Variants in ZNF865 observed in about 807,000 individuals in gnomAD.
The protein encoded by ZNF865 is zinc finger protein 865.
For missense variants in ZNF865, 1,311 were observed against 1,593.4 expected, an observed-to-expected ratio of 0.82 and a Z score of 3.02; for synonymous variants, 763 against 750.8, an observed-to-expected ratio of 1.02 and a Z score of -0.27.
Position 55,614,368 on chromosome 19 carries a change from G to A in ZNF865, c.750G>A (p.Arg250=), listed in dbSNP as rs1161193248. ...VQHMLVHSGE[R]PYECGVCGRT... ...ACATGCTGGTGCACTCGGGGGAGAGGCCCTACGAATGCGGCGTCTGCGGCC... is the reference window on the plus strand; with the variant it reads ...ACATGCTGGTGCACTCGGGGGAGAGACCCTACGAATGCGGCGTCTGCGGCC... Residue 250 remains arginine (R), a synonymous_variant, in exon 2 of 2, where the codon AGG becomes AGA. Transcript: ENST00000568956. The surrounding 1 kb of genome is among the most constrained non-coding windows in gnomAD (Gnocchi z 8.0). 1 of 1,486,684 alleles carries A rather than the reference G, an allele frequency of 6.7e-7. No individual in the cohort carries two copies. Among genetic ancestry groups the A allele is most frequent in the South Asian group, 1.3e-5 (1 of 79,300 alleles). 92.1% of individuals were successfully genotyped at this position (1,486,684 alleles called of 1,614,324 possible). A position where few individuals can be genotyped will look rare whatever the true frequency, so the allele number is the denominator to read the frequency against.
At position 55,615,171 on chromosome 19, in the gene ZNF865, T is replaced by A; in HGVS notation, c.1553T>A (p.Val518Glu). 1 of 1,373,596 alleles carries A rather than the reference T, an allele frequency of 7.3e-7. No homozygotes were observed. The highest frequency in any genetic ancestry group is 1.6e-5 in the South Asian group (1 of 63,530). 85.1% of individuals were successfully genotyped at this position (1,373,596 alleles called of 1,614,324 possible). Reference sequence around the variant, plus strand: ...GCGGCGGCGGTGGTGTACGGCGCTGTGCCCGTCCCGCTCCTGGGCGCCCAC... The same window carrying A: ...GCGGCGGCGGTGGTGTACGGCGCTGAGCCCGTCCCGCTCCTGGGCGCCCAC... Reference protein sequence around the residue: ...AAAAAVVYGAVPVPLLGAHPL... With the variant: ...AAAAAVVYGAEPVPLLGAHPL... Residue 518 changes from valine (V) to glutamate (E), a missense_variant, in exon 2 of 2, where the codon GTG becomes GAG. Transcript: ENST00000568956.
At position 55,615,611 on chromosome 19, in the gene ZNF865, G is replaced by A; in HGVS notation, c.1993G>A (p.Asp665Asn). The change falls in exon 2 of 2, where the codon GAT becomes AAT. Residue 665 changes from aspartate (D) to asparagine (N), a missense_variant. Physicochemically the swap from Asp to Asn is conservative, Grantham distance 23. Coordinates refer to ENST00000568956, the MANE Select transcript of ZNF865 (RefSeq NM_001195605.2). ...CTCGGGCACGTCTGCAGGGCCCACC[G>A]ATGGGCTGAGCTACGCCTGCTCGGA... ...GASGTSAGPT[D>N]GLSYACSDCG... 2 of 1,533,694 alleles carry A rather than the reference G, an allele frequency of 1.3e-6. No homozygotes were observed. The highest frequency in any genetic ancestry group is 1.7e-4 in the Middle Eastern group (1 of 5,978).
intron 1 of ZNF865, among the ~76,000 whole-genome samples, chr19:55,608,990 C>T (rs547697956): frequency 3.6e-4 from 55 of 152,224 alleles, no homozygotes; most frequent in Non-Finnish European, 3.5e-4. Flanking sequence ...CAACCACTGG[C>T]CCTGCCACTA....
rs1042528685 is a variant in ZNF865 at position 55,615,044 on chromosome 19, G to T, written c.1426G>T (p.Gly476Trp). ...PAAAAEAPKD[G>W]AASAPQPPPT... is the part of the protein sequence containing the mutation. The stretch of plus-strand genomic sequence containing the variant: ...TGCCGCTGCGGAGGCGCCCAAGGAC[G>T]GGGCGGCCTCGGCCCCGCAGCCCCC... The change falls in exon 2 of 2, where the codon GGG (glycine) becomes TGG (tryptophan). Residue 476 changes from glycine (G) to tryptophan (W), a missense_variant. Transcript: ENST00000568956. 7.1e-6 allele frequency: 9 copies of T among 1,262,220 alleles called. No homozygotes were observed. Among genetic ancestry groups the T allele is most frequent in the East Asian group, 7.5e-5 (2 of 26,802 alleles). The allele number at this position is 1,262,220 out of a possible 1,614,324, so 78.2% of individuals were successfully genotyped here. A position where few individuals can be genotyped will look rare whatever the true frequency, so the allele number is the denominator to read the frequency against.
chr19:55,607,439 G>GAAAAAAA (rs112301848), intron 1 of ZNF865, among the ~76,000 whole-genome samples: 1 of 78,392 alleles, frequency 1.3e-5, no homozygotes, highest in Admixed American at 1.5e-4. Flanking sequence ...GTCTTTACAG[G>GAAAAAAA]AAAAAAAAAA....
At position 55,615,649 on chromosome 19, in the gene ZNF865, C is replaced by G. The variant is rs1273417091; in HGVS notation, c.2031C>G (p.His677Gln). ...LSYACSDCGE[H>Q]FPDLFHVMSH... The stretch of plus-strand genomic sequence containing the variant: ...ACGCCTGCTCGGACTGCGGCGAGCA[C>G]TTCCCGGATCTCTTTCACGTCATGA... Residue 677 changes from histidine to glutamine, a missense_variant, in exon 2 of 2, where the codon CAC becomes CAG. His to Gln is a conservative substitution (Grantham distance 24). Coordinates refer to ENST00000568956, the MANE Select transcript of ZNF865 (RefSeq NM_001195605.2). 1.3e-6 allele frequency: 2 copies of G among 1,534,608 alleles called. No individual in the cohort carries two copies. Among genetic ancestry groups the G allele is most frequent in the Admixed American group, 3.9e-5 (2 of 50,938 alleles).
rs1253748124 is a variant in ZNF865 at position 55,615,963 on chromosome 19, G to C, written c.2345G>C (p.Gly782Ala). 6.6e-7 allele frequency: 1 copy of C among 1,510,052 alleles called. No homozygotes were observed. Among genetic ancestry groups the C allele is most frequent in the Non-Finnish European group, 8.8e-7 (1 of 1,134,438 alleles). 93.5% of individuals were successfully genotyped at this position (1,510,052 alleles called of 1,614,324 possible). The change falls in exon 2 of 2, where the codon GGC (glycine) becomes GCC (alanine). Residue 782 changes from glycine to alanine, a missense_variant. Coordinates refer to ENST00000568956, the MANE Select transcript of ZNF865 (RefSeq NM_001195605.2). Reference sequence around the variant, plus strand: ...GGCGGGGCGGCGGTGGCAGGTGCTGGCGGGGGTGCCAGTTCCGGCCCCGAG... The same window carrying C: ...GGCGGGGCGGCGGTGGCAGGTGCTGCCGGGGGTGCCAGTTCCGGCCCCGAG... ...DAGGAAVAGA[G>A]GGASSGPERF...
intron 1 of ZNF865, among the ~76,000 whole-genome samples, chr19:55,606,588 C>A (rs1165116629): frequency 6.6e-6 from 1 of 152,228 alleles, no homozygotes; most frequent in Non-Finnish European, 1.5e-5. Flanking sequence ...TCATCCTCTT[C>A]CTATGGCGTG....
chr19:55,609,079 A>C (rs1009737400), intron 1 of ZNF865, among the ~76,000 whole-genome samples: 3 of 152,170 alleles, frequency 2.0e-5, no homozygotes, highest in African/African-American at 7.2e-5. Context: ...GCTGGAGTGC[A>C]GTGGCGTGAG....
chr19:55,610,583 C>A lies in ZNF865; in HGVS notation c.-26-3010C>A, dbSNP rs566218212. ...GCCAGCATTTTCTAATGTATGATTTCTTTGTGGACCCATTGGTAATTTAGG... is the reference window on the plus strand; with the variant it reads ...GCCAGCATTTTCTAATGTATGATTTATTTGTGGACCCATTGGTAATTTAGG... On this transcript the variant is annotated intron_variant, in intron 1 of 1. Coordinates refer to ENST00000568956, the MANE Select transcript of ZNF865 (RefSeq NM_001195605.2). Among the ~76,000 whole-genome samples the A allele has an allele frequency of 4.6e-5, 7 of 152,324 alleles. No homozygotes were observed. The East Asian group carries it at 1.3e-3, about 29-fold the overall frequency.
At chr19:55,613,549 C>G (rs1981212943) in intron 1 of ZNF865, 44 bp from the exon 2 acceptor site, 1 of 1,435,464 alleles carries the variant, frequency 7.0e-7, no homozygotes, top group Non-Finnish European at 9.1e-7. Flanking sequence ...GCGGGGAGAC[C>G]CAGCGCCGCG....
chr19:55,609,735 A>G (rs1201882974), intron 1 of ZNF865, among the ~76,000 whole-genome samples: 2 of 152,178 alleles, frequency 1.3e-5, no homozygotes, highest in Admixed American at 6.5e-5. Flanking sequence ...AACTGGTCAA[A>G]CAATAAATGT....
chr19:55,616,178 G>A lies in ZNF865; in HGVS notation c.2560G>A (p.Gly854Arg), dbSNP rs1981352164. 1 of 1,517,540 alleles carries A rather than the reference G, an allele frequency of 6.6e-7. No individual in the cohort carries two copies. The highest frequency in any genetic ancestry group is 2.5e-5 in the East Asian group (1 of 40,184). 94.0% of individuals were successfully genotyped at this position (1,517,540 alleles called of 1,614,324 possible). A position where few individuals can be genotyped will look rare whatever the true frequency, so the allele number is the denominator to read the frequency against. ...GCGGGGTTTCCGCTGCCCGGTGTGC[G>A]GGAAGCGCTTCTGGGAGGCGGCCCT... ...QKRGFRCPVCGKRFWEAALLM... is the reference protein window; with the variant it reads ...QKRGFRCPVCRKRFWEAALLM... The change falls in exon 2 of 2, where the codon GGG becomes AGG. Residue 854 changes from glycine (G) to arginine (R), a missense_variant. Gly to Arg is a moderately radical substitution (Grantham distance 125). Coordinates refer to ENST00000568956, the MANE Select transcript of ZNF865 (RefSeq NM_001195605.2).
At position 55,611,464 on chromosome 19, in the gene ZNF865, C is replaced by G. The variant is rs535412731; in HGVS notation, c.-26-2129C>G. On this transcript the variant is annotated intron_variant, in intron 1 of 1. Transcript: ENST00000568956. The surrounding 1 kb of genome is among the most constrained non-coding windows in gnomAD (Gnocchi z 4.5). ...CCCCAACTTAGGTTCCACCTACAGC[C>G]TTCCAATTACCACCCCAGCCAAGCC... 2.3e-4 allele frequency among the ~76,000 whole-genome samples: 35 copies of G among 152,318 alleles called. No individual in the cohort carries two copies. The highest frequency in any genetic ancestry group is 7.8e-4 in the Admixed American group (12 of 15,306).
rs1008716491 is a variant in ZNF865, at chr19:55,615,491, C to A, written c.1873C>A (p.Arg625Ser). ...CTACCCGCAGAGCCTCACCCGCCAC[C>A]GCCAGGTGCACCGGCTCCAGCTGCC... The part of the protein sequence containing the change: ...FGYPQSLTRH[R>S]QVHRLQLPCA... Residue 625 changes from arginine to serine, a missense_variant, in exon 2 of 2, where the codon CGC (arginine) becomes AGC (serine). Physicochemically the swap from Arg to Ser is moderately radical, Grantham distance 110. Transcript: ENST00000568956. The A allele has an allele frequency of 6.6e-6, 10 of 1,510,428 alleles. No homozygotes were observed. Among genetic ancestry groups the A allele is most frequent in the Non-Finnish European group, 8.8e-6 (10 of 1,134,762 alleles). The allele number at this position is 1,510,428 out of a possible 1,614,324, so 93.6% of individuals were successfully genotyped here.
chr19:55,613,924 C>T lies in ZNF865; in HGVS notation c.306C>T (p.Ser102=). The T allele has an allele frequency of 6.5e-7, 1 of 1,528,192 alleles. No individual in the cohort carries two copies. The highest frequency in any genetic ancestry group is 8.8e-7 in the Non-Finnish European group (1 of 1,140,520). The allele number at this position is 1,528,192 out of a possible 1,614,324, so 94.7% of individuals were successfully genotyped here. ...CGTCCTCGTCCTCGTCCTCCTCCTC[C>T]TCCTCTTCGTCCTCCTCGTCGTCAT... ...PSSSSSSSSS[S]SSSSSSSSSS... The change falls in exon 2 of 2, where the codon TCC becomes TCT. Residue 102 remains serine, a synonymous_variant. Coordinates refer to ENST00000568956, the MANE Select transcript of ZNF865 (RefSeq NM_001195605.2).
rs1225052295 is a variant in ZNF865, at chr19:55,614,926, G to T, written c.1308G>T (p.Gly436=). Residue 436 remains glycine, a synonymous_variant, in exon 2 of 2, where the codon GGG becomes GGT. Transcript: ENST00000568956. This position sits in a 1 kb window ranked among gnomAD's most constrained non-coding sequence, Gnocchi z 8.0. ...QAAHAGAGAG[G]PRPVYPCDLC... ...CCCACGCGGGGGCGGGCGCCGGGGG[G>T]CCTCGGCCCGTGTACCCCTGCGACC... 1.3e-6 allele frequency: 2 copies of T among 1,485,690 alleles called. No individual in the cohort carries two copies. The highest frequency in any genetic ancestry group is 1.8e-6 in the Non-Finnish European group (2 of 1,123,786). 92.0% of individuals were successfully genotyped at this position (1,485,690 alleles called of 1,614,324 possible). A position where few individuals can be genotyped will look rare whatever the true frequency, so the allele number is the denominator to read the frequency against.
chr19:55,605,711 C>G lies in ZNF865; in HGVS notation c.-48C>G, dbSNP rs1318186131. The stretch of plus-strand genomic sequence containing the variant: ...GCCTCCTCCGCCTCCTCGGCCTCCT[C>G]CCGGCGGAGACCCCGGCGCCGGTGA... On this transcript the variant is annotated 5_prime_UTR_variant, in exon 1 of 2. Coordinates refer to ENST00000568956, the MANE Select transcript of ZNF865 (RefSeq NM_001195605.2). The G allele has an allele frequency of 6.6e-6, 1 of 152,032 alleles. No individual in the cohort carries two copies. The highest frequency in any genetic ancestry group is 2.4e-5 in the African/African-American group (1 of 41,400). The allele number at this position is 152,032 out of a possible 1,614,324, so 9.4% of individuals were successfully genotyped here. A position where few individuals can be genotyped will look rare whatever the true frequency, so the allele number is the denominator to read the frequency against.
Position 55,616,123 on chromosome 19 carries a change from G to C in ZNF865, c.2505G>C (p.Leu835Phe). ...AGAGCTTCGCGGGCGCCTACGACTT[G>C]CTCCTACACCGCCGCAGCCATCGGC... ...CGQSFAGAYD[L>F]LLHRRSHRQK... The change falls in exon 2 of 2, where the codon TTG becomes TTC. Residue 835 changes from leucine to phenylalanine, a missense_variant. Leu to Phe is a conservative substitution (Grantham distance 22, BLOSUM62 0). Transcript: ENST00000568956. 6.7e-7 allele frequency: 1 copy of C among 1,491,954 alleles called. No homozygotes were observed. Among genetic ancestry groups the C allele is most frequent in the Non-Finnish European group, 8.9e-7 (1 of 1,122,880 alleles). 92.4% of individuals were successfully genotyped at this position (1,491,954 alleles called of 1,614,324 possible). A position where few individuals can be genotyped will look rare whatever the true frequency, so the allele number is the denominator to read the frequency against.
Sources: gnomAD v4.1 joint callset for allele counts (sites outside exome capture counted in the v4.1 genomes callset) on GRCh38, gnomAD v4.1.1 for gene constraint, Gnocchi (gnomAD v3.1) non-coding constraint, MANE v1.5 for transcripts, NCBI Gene and HGNC (gene_info 2026-07-23, HGNC 2026-07-21) for gene names.